Variants in NEGR1 observed in about 807,000 individuals in gnomAD.
NEGR1 encodes the protein IgLON family member 4.
In NEGR1, 10 loss-of-function variants were observed where a neutral mutation model predicts 40.9. The observed-to-expected ratio is 0.24, with a 90% CI of 0.15 to 0.42. The LOEUF (loss-of-function observed/expected upper bound fraction) is 0.42. Ranked by LOEUF, NEGR1 falls within the 10% of genes least tolerant of loss-of-function variation. The pLI is 1.00. For missense variants in NEGR1, 352 were observed against 438.9 expected, an observed-to-expected ratio of 0.80 and a Z score of 1.77; for synonymous variants, 185 against 166.8, an observed-to-expected ratio of 1.11 and a Z score of -0.84.
intron 1 of NEGR1, among the ~76,000 whole-genome samples, chr1:72,176,941 CAA>C (rs1423776971): frequency 6.6e-6 from 1 of 151,896 alleles, no homozygotes; most frequent in Non-Finnish European, 1.5e-5. Context: ...GAGTCAGTTT[CAA>C]GATAAATTCA....
intron 2 of NEGR1, among the ~76,000 whole-genome samples, chr1:71,839,326 C>T (rs1227354334): frequency 2.0e-5 from 3 of 151,458 alleles, no homozygotes; most frequent in African/African-American, 7.3e-5. Context: ...GCCTCAGCCT[C>T]CCGAGTAGCT....
At chr1:71,687,680 G>T (rs1468283016) in intron 4 of NEGR1, among the ~76,000 whole-genome samples, 1 of 152,144 alleles carries the variant, frequency 6.6e-6, no homozygotes, top group Admixed American at 6.5e-5. Flanking sequence ...TAGCACCTGC[G>T]CACATTCTGG....
At chr1:71,435,120 A>C (rs1302432232) in intron 6 of NEGR1, among the ~76,000 whole-genome samples, 1 of 152,042 alleles carries the variant, frequency 6.6e-6, no homozygotes, top group African/African-American at 2.4e-5. Context: ...CAAAAAAAAA[A>C]AAAAAAGAGG....
At chr1:72,238,868 A>T (rs1230726592) in intron 1 of NEGR1, among the ~76,000 whole-genome samples, 1 of 151,890 alleles carries the variant, frequency 6.6e-6, no homozygotes, top group African/African-American at 2.4e-5. Flanking sequence ...GACAATATCA[A>T]AGCTGTGGCA....
chr1:71,774,348 T>A (rs1403773704), intron 3 of NEGR1, among the ~76,000 whole-genome samples: 1 of 152,172 alleles, frequency 6.6e-6, no homozygotes, highest in Non-Finnish European at 1.5e-5. Flanking sequence ...GTTTTATGAT[T>A]TTTCAGTGGT....
intron 3 of NEGR1, among the ~76,000 whole-genome samples, chr1:71,710,786 AT>A (rs147568620): frequency 0.08 from 12,192 of 152,106 alleles, 628 homozygotes; most frequent in African/African-American, 0.14. Flanking sequence ...GGTACTAAAA[AT>A]TTAGAAAGAA....
chr1:72,262,875 A>C (rs1164933267), intron 1 of NEGR1, among the ~76,000 whole-genome samples: 2 of 151,870 alleles, frequency 1.3e-5, no homozygotes, highest in Non-Finnish European at 2.9e-5. Context: ...TAAATATTTT[A>C]TTTTTACTTA....
At chr1:71,566,269 G>T (rs1203043543) in intron 6 of NEGR1, among the ~76,000 whole-genome samples, 4 of 151,960 alleles carry the variant, frequency 2.6e-5, no homozygotes, top group African/African-American at 9.7e-5. Flanking sequence ...ACTTTTAAAA[G>T]TATCCTAATT....
At chr1:71,848,613 G>C (rs1659499408) in intron 2 of NEGR1, among the ~76,000 whole-genome samples, 1 of 152,180 alleles carries the variant, frequency 6.6e-6, no homozygotes, top group Non-Finnish European at 1.5e-5. Context: ...GAGGCCTACT[G>C]TTCAGAAATA....
chr1:72,165,673 G>A (rs1371740700), intron 1 of NEGR1, among the ~76,000 whole-genome samples: 2 of 151,886 alleles, frequency 1.3e-5, no homozygotes, highest in Non-Finnish European at 2.9e-5. Context: ...ATTTGAAATC[G>A]ATTTTGTAGC....
intron 4 of NEGR1, among the ~76,000 whole-genome samples, chr1:71,664,485 C>T (rs910212380): frequency 6.6e-6 from 1 of 152,086 alleles, no homozygotes; most frequent in African/African-American, 2.4e-5. Flanking sequence ...CCTCTCCTGA[C>T]CAAGACTATT....
chr1:72,197,627 G>C (rs141302350), intron 1 of NEGR1, among the ~76,000 whole-genome samples: 21 of 151,914 alleles, frequency 1.4e-4, no homozygotes, highest in Non-Finnish European at 2.4e-4. Context: ...TCCAATGCTT[G>C]ACAATATATA....
chr1:72,001,679 T>A (rs1646558581), intron 1 of NEGR1, among the ~76,000 whole-genome samples: 1 of 150,124 alleles, frequency 6.7e-6, no homozygotes, highest in South Asian at 2.1e-4. Context: ...AGGAGGGCAT[T>A]ACGAACATCA....
chr1:71,725,267 T>C (rs866127424), intron 3 of NEGR1, among the ~76,000 whole-genome samples: 4 of 152,152 alleles, frequency 2.6e-5, no homozygotes, highest in Non-Finnish European at 5.9e-5. Context: ...GTAGAACTAA[T>C]ACTAGGTCTT....
At chr1:71,546,797 C>A (rs1225566316) in intron 6 of NEGR1, among the ~76,000 whole-genome samples, 1 of 151,552 alleles carries the variant, frequency 6.6e-6, no homozygotes, top group Non-Finnish European at 1.5e-5. Flanking sequence ...AGGGGTGGCC[C>A]TCAGTGTGAC....
At chr1:71,732,053 C>A (rs1654890192) in intron 3 of NEGR1, among the ~76,000 whole-genome samples, 1 of 152,078 alleles carries the variant, frequency 6.6e-6, no homozygotes, top group African/African-American at 2.4e-5. Flanking sequence ...AGTGATGGCT[C>A]ACATTTATAA....
intron 6 of NEGR1, among the ~76,000 whole-genome samples, chr1:71,497,257 GCAGTCATT>G (rs1389328536): frequency 2.6e-5 from 4 of 152,098 alleles, no homozygotes; most frequent in Admixed American, 6.5e-5. Context: ...TAAAAGAAAT[GCAGTCATT>G]CAGTAAGCAA....
In NEGR1 at chr1:71,801,594, C is replaced by T. The variant is rs894380669; in HGVS notation, c.410-25297G>A. ...TTGCTCAAACCAAAATCCTTGAAAT[C>T]ACCCTTGGTTTCCCTCTTATTCTCA... On this transcript the variant is annotated intron_variant, in intron 2 of 6. Coordinates refer to ENST00000357731, the MANE Select transcript of NEGR1 (RefSeq NM_173808.3). Among the ~76,000 whole-genome samples the T allele has an allele frequency of 3.9e-5, 6 of 152,128 alleles. No individual in the cohort carries two copies. In the South Asian group the frequency reaches 1.0e-3, roughly 26 times the overall value.
intron 1 of NEGR1, among the ~76,000 whole-genome samples, chr1:72,131,828 G>A (rs1269549726): frequency 1.3e-5 from 2 of 152,162 alleles, no homozygotes; most frequent in Non-Finnish European, 1.5e-5. Flanking sequence ...TGAGCGTGGT[G>A]GCTCACACCT....
Sources: allele counts gnomAD v4.1 joint callset (sites outside exome capture counted in the v4.1 genomes callset), GRCh38; gene constraint gnomAD v4.1.1; transcripts MANE v1.5; gene names NCBI Gene and HGNC (gene_info 2026-07-23, HGNC 2026-07-21).